The following DOK6 variants were observed in gnomAD, a reference collection of about 807,000 sequenced individuals.
DOK6 encodes the protein downstream of tyrosine kinase 6.
Under a neutral mutation model 44.0 loss-of-function variants are expected in DOK6, and 22 were observed. The observed-to-expected ratio is 0.50, with a 90% confidence interval of 0.36 to 0.71. The LOEUF is 0.71. DOK6 is among the 30% of genes least tolerant of loss of function. The pLI, the probability that DOK6 is intolerant of heterozygous loss-of-function variation, is 0.00. For missense variants in DOK6, 340 were observed against 416.4 expected, an observed-to-expected ratio of 0.82 and a Z score of 1.60; for synonymous variants, 166 against 145.5, an observed-to-expected ratio of 1.14 and a Z score of -1.01.
intron 1 of DOK6, among the ~76,000 whole-genome samples, chr18:69,536,061 C>A (rs1193723751): frequency 1.3e-5 from 2 of 152,032 alleles, no homozygotes; most frequent in African/African-American, 4.8e-5. Flanking sequence ...TACAAGGTCC[C>A]GTATAATCAG....
At chr18:69,562,490 G>C (rs1982860062) in intron 1 of DOK6, among the ~76,000 whole-genome samples, 1 of 151,974 alleles carries the variant, frequency 6.6e-6, no homozygotes, top group South Asian at 2.1e-4. Context: ...TTGTTCTTTT[G>C]GCTTAGGATT....
chr18:69,662,885 T>C (rs1568326257), intron 3 of DOK6: 1 of 152,238 alleles, frequency 6.6e-6, no homozygotes, highest in Non-Finnish European at 1.5e-5. Flanking sequence ...AGCAATAGGA[T>C]GGATCCAGCC....
At chr18:69,824,137 T>C (rs1252139928) in intron 7 of DOK6, among the ~76,000 whole-genome samples, 2 of 151,718 alleles carry the variant, frequency 1.3e-5, no homozygotes, top group Non-Finnish European at 2.9e-5. Context: ...GTTGGTGTGC[T>C]GCACCCATTA....
At chr18:69,614,577 A>T (rs1397874967) in intron 3 of DOK6, among the ~76,000 whole-genome samples, 1 of 142,382 alleles carries the variant, frequency 7.0e-6, no homozygotes, top group Non-Finnish European at 1.6e-5. Flanking sequence ...TGTGTGTGTT[A>T]AGAACACTTA....
intron 1 of DOK6, among the ~76,000 whole-genome samples, chr18:69,535,848 T>C (rs1369620825): frequency 6.6e-6 from 1 of 151,998 alleles, no homozygotes; most frequent in Non-Finnish European, 1.5e-5. Context: ...ATGCAAAAAA[T>C]ATCATACTTG....
intron 3 of DOK6, among the ~76,000 whole-genome samples, chr18:69,633,568 G>A (rs1366303108): frequency 1.3e-5 from 2 of 151,988 alleles, no homozygotes; most frequent in African/African-American, 4.8e-5. Flanking sequence ...TTTATTGAAG[G>A]GGGATTTCAA....
chr18:69,686,981 A>G (rs534560775), intron 4 of DOK6, among the ~76,000 whole-genome samples: 41 of 152,284 alleles, frequency 2.7e-4, no homozygotes, highest in African/African-American at 9.1e-4. Flanking sequence ...GTTATATCAG[A>G]CACTTAAATA....
At chr18:69,740,516 A>G (rs1043021278) in intron 6 of DOK6, among the ~76,000 whole-genome samples, 1 of 152,172 alleles carries the variant, frequency 6.6e-6, no homozygotes, top group East Asian at 1.9e-4. Flanking sequence ...AAAAGCTCAT[A>G]GAGTGATTTA....
At chr18:69,608,810 C>T (rs1024001790) in intron 3 of DOK6, among the ~76,000 whole-genome samples, 1 of 151,860 alleles carries the variant, frequency 6.6e-6, no homozygotes, top group African/African-American at 2.4e-5. Context: ...ATTAGGTGGG[C>T]GTGGTGGCAG....
At chr18:69,645,020 C>T (rs1348391483) in intron 3 of DOK6, among the ~76,000 whole-genome samples, 1 of 152,168 alleles carries the variant, frequency 6.6e-6, no homozygotes, top group Admixed American at 6.6e-5. Flanking sequence ...GTAGAGAGAG[C>T]TCTTGCATAC....
intron 7 of DOK6, among the ~76,000 whole-genome samples, chr18:69,823,179 A>G (rs1981627439): frequency 6.6e-6 from 1 of 152,160 alleles, no homozygotes; most frequent in Non-Finnish European, 1.5e-5. Flanking sequence ...TGTGCCTGGC[A>G]TTTCACAAGG....
chr18:69,444,944 T>C (rs12605356), intron 1 of DOK6, among the ~76,000 whole-genome samples: 11,365 of 152,246 alleles, frequency 0.075, 449 homozygotes, highest in Middle Eastern at 0.18. Flanking sequence ...ATCTAAACAC[T>C]ATGAAGTCTT....
chr18:69,681,077 C>A (rs1986033439), intron 4 of DOK6, among the ~76,000 whole-genome samples: 1 of 152,164 alleles, frequency 6.6e-6, no homozygotes, highest in Admixed American at 6.5e-5. Flanking sequence ...TTTATTAAGA[C>A]ATTTTAGTAT....
At chr18:69,722,393 T>C (rs539307201) in intron 5 of DOK6, among the ~76,000 whole-genome samples, 97 of 152,336 alleles carry the variant, frequency 6.4e-4, no homozygotes, top group Non-Finnish European at 1.1e-3. Context: ...ATGTTTTTCC[T>C]TTGATCTAGA....
chr18:69,829,771 GAAA>G (rs530182151), intron 7 of DOK6, among the ~76,000 whole-genome samples: 1 of 143,170 alleles, frequency 7.0e-6, no homozygotes, highest in Non-Finnish European at 1.5e-5. Flanking sequence ...CTTTCTATAG[GAAA>G]AAAAAAAAGA....
At chr18:69,503,642 C>T (rs1157602946) in intron 1 of DOK6, among the ~76,000 whole-genome samples, 1 of 152,036 alleles carries the variant, frequency 6.6e-6, no homozygotes, top group East Asian at 1.9e-4. Flanking sequence ...TTCAGTTCAA[C>T]ATATATTATC....
intron 7 of DOK6, among the ~76,000 whole-genome samples, chr18:69,792,681 C>A (rs1414261858): frequency 6.6e-6 from 1 of 151,988 alleles, no homozygotes; most frequent in African/African-American, 2.4e-5. Context: ...TTATTTCTTT[C>A]TGTTGTCTGA....
intron 5 of DOK6, among the ~76,000 whole-genome samples, chr18:69,733,121 G>C (rs1978471329): frequency 6.6e-6 from 1 of 151,972 alleles, no homozygotes; most frequent in Non-Finnish European, 1.5e-5. Context: ...TTGAGCGCAG[G>C]AGTTCAAGGC....
intron 1 of DOK6, among the ~76,000 whole-genome samples, chr18:69,542,501 A>G (rs1023331029): frequency 6.6e-6 from 1 of 151,582 alleles, no homozygotes; most frequent in African/African-American, 2.4e-5. Context: ...AAGCCATAAA[A>G]TTAAAATAAT....
Sources: gnomAD v4.1 joint callset for allele counts (sites outside exome capture counted in the v4.1 genomes callset) on GRCh38, gnomAD v4.1.1 for gene constraint, MANE v1.5 for transcripts, NCBI Gene and HGNC (gene_info 2026-07-23, HGNC 2026-07-21) for gene names.